PDE4D: variants seen among roughly 807,000 people sequenced by gnomAD.
The protein encoded by PDE4D is phosphodiesterase 4D.
A neutral mutation model predicts 87.4 loss-of-function variants in PDE4D; 24 were observed. The observed-to-expected ratio is 0.27, with a 90% confidence interval of 0.20 to 0.39. The LOEUF (loss-of-function observed/expected upper bound fraction) is 0.39, where lower values mean the gene tolerates loss of function less well. Among genes scored for constraint, PDE4D ranks in the 10% least tolerant of loss-of-function variants. The pLI, the probability that PDE4D is intolerant of heterozygous loss-of-function variation, is 1.00. For synonymous variants in PDE4D, 384 were observed against 383.2 expected, an observed-to-expected ratio of 1.00 and a Z score of -0.02; for missense variants, 714 against 1,041.0, an observed-to-expected ratio of 0.69 and a Z score of 4.32.
intron 1 of PDE4D, among the ~76,000 whole-genome samples, chr5:59,574,091 TATAAATATATA>T (rs1561240965): frequency 0.01 from 58 of 5,690 alleles, 2 homozygotes; most frequent in Admixed American, 0.04. Context: ...TATTTATATA[TATAAATATATA>T]TTTATATATA....
intron 1 of PDE4D, among the ~76,000 whole-genome samples, chr5:60,433,978 C>G (rs190804004): frequency 4.6e-5 from 7 of 152,102 alleles, no homozygotes; most frequent in Admixed American, 4.6e-4. Flanking sequence ...GTACTATGCT[C>G]ATTACCTGGG....
chr5:59,768,415 G>A (rs931119023), intron 1 of PDE4D: 7 of 1,598,238 alleles, frequency 4.4e-6, no homozygotes, highest in Non-Finnish European at 5.9e-6. Context: ...TTCTCGCAAG[G>A]ATTTCACAAG....
intron 2 of PDE4D, among the ~76,000 whole-genome samples, chr5:59,208,934 G>A (rs955213187): frequency 1.2e-4 from 18 of 151,992 alleles, no homozygotes; most frequent in Admixed American, 6.6e-4. Context: ...TCAACACTCC[G>A]AATAATACTA....
chr5:59,480,396 G>A (rs7724786), intron 1 of PDE4D, among the ~76,000 whole-genome samples: 36,100 of 151,892 alleles, frequency 0.24, 4,935 homozygotes, highest in African/African-American at 0.37. Context: ...ATGTTCCCAC[G>A]TACTCTCTGA....
At chr5:59,049,711 G>C (rs1194665501) in intron 5 of PDE4D, among the ~76,000 whole-genome samples, 2 of 152,124 alleles carry the variant, frequency 1.3e-5, no homozygotes, top group Non-Finnish European at 2.9e-5. Context: ...CACTCTAAAA[G>C]TGTTCACTGA....
intron 1 of PDE4D, chr5:60,460,151 T>C: frequency 6.3e-7 from 1 of 1,598,330 alleles, no homozygotes; most frequent in East Asian, 2.3e-5. Context: ...CTGCTGGCTT[T>C]ATTCTGCATT....
intron 2 of PDE4D, among the ~76,000 whole-genome samples, chr5:60,031,865 C>T (rs1767279121): frequency 6.6e-6 from 1 of 152,056 alleles, no homozygotes; most frequent in Admixed American, 6.5e-5. Context: ...ATAGTCAAAA[C>T]CTGATGTAAT....
At chr5:59,750,942 T>C (rs2150725368) in intron 1 of PDE4D, among the ~76,000 whole-genome samples, 1 of 100,776 alleles carries the variant, frequency 9.9e-6, no homozygotes, top group South Asian at 3.0e-4. Context: ...TAAGACCCTG[T>C]CTCAAAAAAA....
At chr5:60,371,449 C>T (rs1484669933) in intron 1 of PDE4D, among the ~76,000 whole-genome samples, 2 of 152,130 alleles carry the variant, frequency 1.3e-5, no homozygotes, top group African/African-American at 4.8e-5. Context: ...CCTTTTTTTC[C>T]TAGCTGCACT....
At chr5:60,375,913 C>A (rs1263336495) in intron 1 of PDE4D, among the ~76,000 whole-genome samples, 2 of 152,096 alleles carry the variant, frequency 1.3e-5, no homozygotes, top group Non-Finnish European at 2.9e-5. Context: ...GTGGTACGCG[C>A]CTGTAGTCCC....
intron 1 of PDE4D, among the ~76,000 whole-genome samples, chr5:59,263,782 A>C (rs1762408774): frequency 6.6e-6 from 1 of 151,942 alleles, no homozygotes; most frequent in Admixed American, 6.6e-5. Flanking sequence ...AAATTTAAAA[A>C]GTTTGTGATT....
At chr5:59,971,676 C>A (rs1174056725) in intron 3 of PDE4D, among the ~76,000 whole-genome samples, 2 of 152,122 alleles carry the variant, frequency 1.3e-5, no homozygotes, top group African/African-American at 4.8e-5. Flanking sequence ...CTTCACTACC[C>A]TCCTTTTGTT....
At chr5:59,549,202 C>T (rs1201755872) in intron 1 of PDE4D, among the ~76,000 whole-genome samples, 1 of 152,164 alleles carries the variant, frequency 6.6e-6, no homozygotes, top group African/African-American at 2.4e-5. Context: ...AGGCAAAGCA[C>T]TTTTAGAAAG....
chr5:60,221,994 T>C (rs1381171180), intron 1 of PDE4D, among the ~76,000 whole-genome samples: 5 of 152,106 alleles, frequency 3.3e-5, no homozygotes, highest in African/African-American at 1.2e-4. Flanking sequence ...CATGCAATAG[T>C]CCTTGCTTCC....
chr5:59,596,001 T>C (rs1483061855), intron 1 of PDE4D, among the ~76,000 whole-genome samples: 2 of 151,396 alleles, frequency 1.3e-5, no homozygotes, highest in African/African-American at 2.4e-5. Context: ...TTTTAGTGCT[T>C]TTTAAAAATT....
chr5:59,568,167 A>G (rs1445863378), intron 1 of PDE4D, among the ~76,000 whole-genome samples: 1 of 152,174 alleles, frequency 6.6e-6, no homozygotes, highest in African/African-American at 2.4e-5. Context: ...AAAACAAAAC[A>G]AACAAAAAAC....
chr5:60,057,115 GC>G (rs1267324363), intron 2 of PDE4D, among the ~76,000 whole-genome samples: 1 of 151,892 alleles, frequency 6.6e-6, no homozygotes, highest in Admixed American at 6.6e-5. Context: ...ATAATTTCAT[GC>G]CCACTTATAT....
chr5:60,259,534 T>C (rs1749428970), intron 1 of PDE4D, among the ~76,000 whole-genome samples: 2 of 152,110 alleles, frequency 1.3e-5, no homozygotes, highest in African/African-American at 4.8e-5. Flanking sequence ...GTAATTTTAT[T>C]CTTATGTTAT....
At chr5:59,151,394 T>C (rs891675510) in intron 5 of PDE4D, among the ~76,000 whole-genome samples, 8 of 152,168 alleles carry the variant, frequency 5.3e-5, no homozygotes, top group Non-Finnish European at 7.3e-5. Flanking sequence ...CAGTGTTTCT[T>C]GCAATTGACT....
Sources: gnomAD v4.1 joint callset for allele counts (sites outside exome capture counted in the v4.1 genomes callset) on GRCh38, gnomAD v4.1.1 for gene constraint, MANE v1.5 for transcripts, NCBI Gene and HGNC (gene_info 2026-07-23, HGNC 2026-07-21) for gene names.